Variants in RASSF2 observed in about 807,000 individuals in gnomAD.
RASSF2 encodes the protein Ras association domain family member 2, also known as ras association domain-containing protein 2.
A neutral mutation model predicts 46.3 loss-of-function variants in RASSF2; 34 were observed. That is an observed-to-expected ratio of 0.73 (90% CI 0.56 to 0.98). The LOEUF is 0.98. Among genes scored for constraint, RASSF2 ranks in the 50% least tolerant of loss-of-function variants. The pLI is 0.00. For missense variants in RASSF2, 364 were observed against 431.2 expected (o/e 0.84, Z 1.38); for synonymous variants, 158 against 162.5 (o/e 0.97, Z 0.21).
intron 2 of RASSF2, among the ~76,000 whole-genome samples, chr20:4,814,220 C>A (rs904561205): frequency 1.3e-5 from 2 of 152,178 alleles, no homozygotes; most frequent in Non-Finnish European, 2.9e-5. Context: ...CAAGTGCTCC[C>A]GATGGCCCAT....
intron 2 of RASSF2, among the ~76,000 whole-genome samples, chr20:4,802,916 T>TTC (rs1927015071): frequency 8.2e-6 from 1 of 122,312 alleles, no homozygotes; most frequent in South Asian, 2.6e-4. Context: ...ATATATATAT[T>TTC]TTTTTTTTTT....
intron 10 of RASSF2, 151 bp downstream of exon 10, chr20:4,787,482 G>T: frequency 1.1e-6 from 1 of 916,096 alleles, no homozygotes; most frequent in Non-Finnish European, 1.6e-6. Flanking sequence ...TTGTTACTCT[G>T]CAAAAGCTGG....
intron 3 of RASSF2, among the ~76,000 whole-genome samples, chr20:4,800,412 C>T (rs1926761711): frequency 6.6e-6 from 1 of 152,178 alleles, no homozygotes; most frequent in Non-Finnish European, 1.5e-5. Context: ...AAATTCATTT[C>T]TCACAGCTCT....
At chr20:4,819,790 G>A (rs866714582) in intron 2 of RASSF2, among the ~76,000 whole-genome samples, 13 of 152,148 alleles carry the variant, frequency 8.5e-5, no homozygotes, top group African/African-American at 2.4e-4. Context: ...ACTTTGGGTC[G>A]ACATGTTCAA....
intron 2 of RASSF2, among the ~76,000 whole-genome samples, chr20:4,804,353 CTTTTTT>C (rs10659167): frequency 5.9e-5 from 7 of 118,724 alleles, no homozygotes; most frequent in East Asian, 5.1e-4. Context: ...AGAAAGCTTT[CTTTTTT>C]TTTTTTTTTT....
Position 4,798,010 on chromosome 20 carries a change from C to T in RASSF2, c.135G>A (p.Glu45=). ...AGGGCCGTCCCTGGGGACTCCTTAC[C>T]TCCCGGTGCCGGAGCTGTAAATTCT... is the stretch of plus-strand genomic sequence containing the variant. The part of the protein sequence containing the change: ...EGQNLQLRHR[E]EEDEFIVEGL... Residue 45 remains glutamate, a splice_region_variant and synonymous_variant, in exon 4 of 12, where the codon GAG becomes GAA. Coordinates refer to ENST00000379400, the MANE Select transcript of RASSF2 (RefSeq NM_014737.3). 6.2e-7 allele frequency: 1 copy of T among 1,613,810 alleles called. No homozygotes were observed.
chr20:4,784,592 C>CAAAAAAAAAAAAAAAAAAAAAGGAA (rs1925133030), intron 11 of RASSF2, among the ~76,000 whole-genome samples: 2 of 89,864 alleles, frequency 2.2e-5, no homozygotes, highest in African/African-American at 4.2e-5. Context: ...AACATCTAGC[C>CAAAAAAAAAAAAAAAAAAAAAGGAA]AAAAAAAAAA....
At chr20:4,823,332 TG>T (rs1162511589) in intron 1 of RASSF2, among the ~76,000 whole-genome samples, 2 of 151,934 alleles carry the variant, frequency 1.3e-5, no homozygotes, top group Non-Finnish European at 2.9e-5. Flanking sequence ...CCGGGCCAGC[TG>T]CATCGCGCCC....
intron 5 of RASSF2, 141 bp from the exon 6 acceptor site, chr20:4,792,768 G>T: frequency 6.9e-7 from 1 of 1,446,338 alleles, no homozygotes; most frequent in Non-Finnish European, 9.1e-7. Context: ...ATCAGGTGAT[G>T]AAGGGTGCAG....
rs1234188018 is a variant in RASSF2 at position 4,787,548 on chromosome 20, A to C, written c.813+85T>G. 5.8e-6 allele frequency: 9 copies of C among 1,564,318 alleles called. No individual in the cohort carries two copies. In the Middle Eastern group the frequency reaches 5.1e-4, roughly 88 times the overall value. ...AAGGGGGCATGGTCGTTGGTCAAAA[A>C]AGTCATTCTATACCCCAGTTACAGG... On this transcript the variant is annotated intron_variant, in intron 10 of 11. Coordinates refer to ENST00000379400, the MANE Select transcript of RASSF2 (RefSeq NM_014737.3).
Position 4,786,299 on chromosome 20 carries a change from C to T in RASSF2, c.843G>A (p.Pro281=), listed in dbSNP as rs746840494. The change falls in exon 11 of 12, where the codon CCG becomes CCA. Residue 281 remains proline, a synonymous_variant. Coordinates refer to ENST00000379400, the MANE Select transcript of RASSF2 (RefSeq NM_014737.3). ...GCTTCTGAATGAAGCTTTTAAGTAC[C>T]GGCATCTCGAACTTTATATACTGGG... is the stretch of plus-strand genomic sequence containing the variant. The part of the protein sequence containing the change: ...DVAQYIKFEM[P]VLKSFIQKLQ... 8 of 1,612,918 alleles carry T rather than the reference C, an allele frequency of 5.0e-6. No individual in the cohort carries two copies. Among genetic ancestry groups the T allele is most frequent in the Non-Finnish European group, 6.8e-6 (8 of 1,178,920 alleles).
In RASSF2 at chr20:4,789,434, T is replaced by C. The variant is rs528067575; in HGVS notation, c.639+162A>G. Among the ~76,000 whole-genome samples, 32 of 152,288 alleles carry C rather than the reference T, an allele frequency of 2.1e-4. 1 individual carries two copies. The highest frequency in any genetic ancestry group is 1.2e-4 in the African/African-American group (5 of 41,578). ...AGCACCCAGGTGATGCTGATGCTGATTCTGTGGACTTTGTCCTGGATCGTG... is the reference window on the plus strand; with the variant it reads ...AGCACCCAGGTGATGCTGATGCTGACTCTGTGGACTTTGTCCTGGATCGTG... On this transcript the variant is annotated intron_variant, in intron 8 of 11. Transcript: ENST00000379400.
rs1925766402 is a variant in RASSF2 at position 4,790,403 on chromosome 20, T to C, written c.537+48A>G. 4 of 1,403,710 alleles carry C rather than the reference T, an allele frequency of 2.8e-6. No individual in the cohort carries two copies. The highest frequency in any genetic ancestry group is 2.8e-6 in the Non-Finnish European group (3 of 1,074,638). The allele number at this position is 1,403,710 out of a possible 1,614,324, so 87.0% of individuals were successfully genotyped here. A position where few individuals can be genotyped will look rare whatever the true frequency, so the allele number is the denominator to read the frequency against. On this transcript the variant is annotated intron_variant, in intron 7 of 11. Coordinates refer to ENST00000379400, the MANE Select transcript of RASSF2 (RefSeq NM_014737.3). The surrounding 1 kb of genome is among the most constrained non-coding windows in gnomAD (Gnocchi z 4.3). ...ATGGCTGTAGCCCTGAGGTGGCATC[T>C]ACCCAGGAAGAGGTCTTCCACCCTC...
At chr20:4,823,154 G>A (rs963951051) in intron 1 of RASSF2, among the ~76,000 whole-genome samples, 4 of 152,178 alleles carry the variant, frequency 2.6e-5, no homozygotes, top group Admixed American at 6.5e-5. Flanking sequence ...GACAGGCGAG[G>A]ATTACGGGGC....
At position 4,798,009 on chromosome 20, in the gene RASSF2, C is replaced by T. The variant is rs1457193987; in HGVS notation, c.135+1G>A. 2 of 1,613,660 alleles carry T rather than the reference C, an allele frequency of 1.2e-6. No individual in the cohort carries two copies. Among genetic ancestry groups the T allele is most frequent in the Non-Finnish European group, 1.7e-6 (2 of 1,179,868 alleles). On this transcript the variant is annotated splice_donor_variant, in intron 4 of 11. Coordinates refer to ENST00000379400, the MANE Select transcript of RASSF2 (RefSeq NM_014737.3). LOFTEE classifies it high-confidence loss of function. Reference sequence around the variant, plus strand: ...CAGGGCCGTCCCTGGGGACTCCTTACCTCCCGGTGCCGGAGCTGTAAATTC... The same window carrying T: ...CAGGGCCGTCCCTGGGGACTCCTTATCTCCCGGTGCCGGAGCTGTAAATTC...
At chr20:4,798,553 A>C (rs1038159571) in intron 3 of RASSF2, among the ~76,000 whole-genome samples, 28 of 152,264 alleles carry the variant, frequency 1.8e-4, no homozygotes, top group Non-Finnish European at 4.0e-4. Context: ...GGCTGCGCGC[A>C]GTGGCTCATG....
intron 2 of RASSF2, among the ~76,000 whole-genome samples, chr20:4,808,054 T>G (rs535772722): frequency 1.3e-5 from 2 of 152,322 alleles, no homozygotes; most frequent in Admixed American, 1.3e-4. Flanking sequence ...AGAGCATTGT[T>G]CCTCACACAA....
At chr20:4,784,592 C>CAAAAAAAAAA (rs71197728) in intron 11 of RASSF2, among the ~76,000 whole-genome samples, 1 of 89,864 alleles carries the variant, frequency 1.1e-5, no homozygotes. Flanking sequence ...AACATCTAGC[C>CAAAAAAAAAA]AAAAAAAAAA....
At chr20:4,793,673 G>T (rs1034475489) in intron 5 of RASSF2, among the ~76,000 whole-genome samples, 2 of 151,698 alleles carry the variant, frequency 1.3e-5, no homozygotes, top group African/African-American at 2.4e-5. Context: ...TAGAGACAGG[G>T]TTTCACCATG....
Sources: gnomAD v4.1 joint callset for allele counts (sites outside exome capture counted in the v4.1 genomes callset) on GRCh38, gnomAD v4.1.1 for gene constraint, Gnocchi (gnomAD v3.1) non-coding constraint, MANE v1.5 for transcripts, NCBI Gene and HGNC (gene_info 2026-07-23, HGNC 2026-07-21) for gene names.